UCMA: variants seen among roughly 807,000 people sequenced by gnomAD.
UCMA encodes the protein upper zone of growth plate and cartilage matrix-associated protein.
Under a neutral mutation model 21.8 loss-of-function variants are expected in UCMA, and 21 were observed. The observed-to-expected ratio is 0.97, with a 90% confidence interval of 0.68 to 1.39. The LOEUF is 1.39. UCMA is among the 40% of genes most tolerant of loss of function. The probability of loss-of-function intolerance (pLI) is 0.00; values close to 1 mark genes in which losing one functional copy is unlikely to be tolerated. For missense variants in UCMA, 193 were observed against 178.9 expected (o/e 1.08, Z -0.45); for synonymous variants, 76 against 67.9 (o/e 1.12, Z -0.58).
At chr10:13,233,046 C>G (rs549869816) in intron 3 of UCMA, among the ~76,000 whole-genome samples, 1 of 152,260 alleles carries the variant, frequency 6.6e-6, no homozygotes, top group East Asian at 1.9e-4. Context: ...CTTAGCAGCA[C>G]AGCTGTCCCC....
intron 2 of UCMA, 38 bp from the exon 3 acceptor site, chr10:13,233,671 G>C (rs752216739): frequency 1.9e-6 from 3 of 1,613,466 alleles, no homozygotes; most frequent in Non-Finnish European, 2.5e-6. Flanking sequence ...GCAGTGTGGG[G>C]GTGCTGGGGC....
At position 13,230,430 on chromosome 10, in the gene UCMA, G is replaced by A. The variant is rs180906654; in HGVS notation, c.221-721C>T. 2.6e-5 allele frequency among the ~76,000 whole-genome samples: 4 copies of A among 152,304 alleles called. No individual in the cohort carries two copies. The East Asian group carries it at 7.7e-4, about 29-fold the overall frequency. On this transcript the variant is annotated intron_variant, in intron 3 of 4. Coordinates refer to ENST00000378681, the MANE Select transcript of UCMA (RefSeq NM_145314.3). ...TTGGAATAAAAATTCCCGGTTGTCT[G>A]GAGGAAACGATGTAAAGCTCTCTAC...
rs1834762990 is a variant in UCMA, at chr10:13,221,994, C to T, written c.*109G>A. ...TCAAGAGCTGCTGGCCACTGCAGAC[C>T]CCAAGCTGAGACCCTCTGAAGGGCC... On this transcript the variant is annotated 3_prime_UTR_variant, in exon 5 of 5. Transcript: ENST00000378681. 8.7e-7 allele frequency: 1 copy of T among 1,153,166 alleles called. No individual in the cohort carries two copies. Among genetic ancestry groups the T allele is most frequent in the Non-Finnish European group, 1.3e-6 (1 of 784,130 alleles). The allele number at this position is 1,153,166 out of a possible 1,614,324, so 71.4% of individuals were successfully genotyped here. A position where few individuals can be genotyped will look rare whatever the true frequency, so the allele number is the denominator to read the frequency against.
At chr10:13,232,014 G>A (rs1834905083) in intron 3 of UCMA, among the ~76,000 whole-genome samples, 1 of 152,178 alleles carries the variant, frequency 6.6e-6, no homozygotes, top group Non-Finnish European at 1.5e-5. Flanking sequence ...TTGACACACT[G>A]AGCTTCTGTC....
chr10:13,228,517 G>A (rs1056380728), intron 4 of UCMA, among the ~76,000 whole-genome samples: 1 of 152,322 alleles, frequency 6.6e-6, no homozygotes, highest in South Asian at 2.1e-4. Context: ...GCTGCAGGTG[G>A]GGTGAGAGGG....
In UCMA at chr10:13,229,650, T is replaced by C; in HGVS notation, c.280A>G (p.Arg94Gly). The C allele has an allele frequency of 6.2e-7, 1 of 1,614,186 alleles. No individual in the cohort carries two copies. The highest frequency in any genetic ancestry group is 8.5e-7 in the Non-Finnish European group (1 of 1,180,038). ...ELRREYYEEQ[R>G]NEFENFVEEQ... The stretch of plus-strand genomic sequence containing the variant: ...TCCACGAAGTTCTCAAATTCATTCC[T>C]TTGTTCCTCGTAATATTCTCTCCGC... The change falls in exon 4 of 5, where the codon AGG (arginine) becomes GGG (glycine). Residue 94 changes from arginine (R) to glycine (G), a missense_variant. Transcript: ENST00000378681.
chr10:13,225,252 C>T (rs1834809483), intron 4 of UCMA, among the ~76,000 whole-genome samples: 1 of 152,036 alleles, frequency 6.6e-6, no homozygotes, highest in South Asian at 2.1e-4. Context: ...CGTTATGTTG[C>T]CAGGGCTAAA....
intron 3 of UCMA, among the ~76,000 whole-genome samples, chr10:13,233,327 C>T (rs545136342): frequency 6.6e-6 from 1 of 152,326 alleles, no homozygotes; most frequent in East Asian, 1.9e-4. Flanking sequence ...GGCCTCCTAA[C>T]CCTGACAAAG....
At chr10:13,233,509 G>A (rs369035716) in intron 3 of UCMA, 29 bp downstream of exon 3, 111 of 1,585,596 alleles carry the variant, frequency 7.0e-5, no homozygotes, top group Non-Finnish European at 8.7e-5. Context: ...GGTGATGGAC[G>A]CGGGATGGGG....
intron 3 of UCMA, 42 bp from the exon 4 acceptor site, chr10:13,229,751 G>A: frequency 6.5e-7 from 1 of 1,535,422 alleles, no homozygotes. Context: ...TCAAGAATGA[G>A]GACACTTAGG....
At chr10:13,222,638 GT>G (rs917353943) in intron 4 of UCMA, among the ~76,000 whole-genome samples, 4 of 151,772 alleles carry the variant, frequency 2.6e-5, no homozygotes, top group Admixed American at 6.6e-5. Context: ...TCGACTTGGA[GT>G]TTTTTTTCCT....
chr10:13,233,184 A>G (rs1834922098), intron 3 of UCMA, among the ~76,000 whole-genome samples: 1 of 152,114 alleles, frequency 6.6e-6, no homozygotes, highest in African/African-American at 2.4e-5. Flanking sequence ...CCTCCAGACC[A>G]GAATATAGAT....
intron 4 of UCMA, among the ~76,000 whole-genome samples, chr10:13,228,116 G>A (rs1370329601): frequency 6.6e-6 from 1 of 151,852 alleles, no homozygotes; most frequent in East Asian, 1.9e-4. Flanking sequence ...CTGGAGTGCG[G>A]TGGTGCAATC....
chr10:13,222,292 G>A (rs565915031), intron 4 of UCMA, 92 bp from the exon 5 acceptor site: 40 of 1,162,348 alleles, frequency 3.4e-5, no homozygotes, highest in African/African-American at 6.0e-5. Context: ...CTGCCCTGTG[G>A]TGACCTGCAC....
chr10:13,229,707 C>G lies in UCMA; in HGVS notation c.223G>C (p.Glu75Gln), dbSNP rs745773066. 6.2e-7 allele frequency: 1 copy of G among 1,613,886 alleles called. No homozygotes were observed. Among genetic ancestry groups the G allele is most frequent in the Non-Finnish European group, 8.5e-7 (1 of 1,179,964 alleles). ...SPKSRDEVNV[E>Q]NRQKLRVDEL... is the part of the protein sequence containing the mutation. ...TCAACCCGAAGCTTCTGCCTGTTTT[C>G]CACTGTGAAAGGAAAAGAAGCAAGA... is the stretch of plus-strand genomic sequence containing the variant. Residue 75 changes from glutamate (E) to glutamine (Q), a missense_variant and splice_region_variant, in exon 4 of 5, where the codon GAA becomes CAA. Transcript: ENST00000378681.
At chr10:13,234,148 A>T (rs1834938561) in intron 1 of UCMA, 53 bp downstream of exon 1, 2 of 1,545,874 alleles carry the variant, frequency 1.3e-6, no homozygotes, top group African/African-American at 2.7e-5. Context: ...GTGCATGGTA[A>T]GTCTCCCTTA....
chr10:13,226,521 C>G (rs1237810179), intron 4 of UCMA, among the ~76,000 whole-genome samples: 1 of 152,250 alleles, frequency 6.6e-6, no homozygotes, highest in Non-Finnish European at 1.5e-5. Flanking sequence ...GACAGGGCCT[C>G]GCTTAGTTGC....
chr10:13,224,950 T>C (rs992962767), intron 4 of UCMA, among the ~76,000 whole-genome samples: 22 of 152,324 alleles, frequency 1.4e-4, no homozygotes, highest in African/African-American at 5.3e-4. Context: ...CGGAGCTTTG[T>C]GTGTTCATCT....
Position 13,234,353 on chromosome 10 carries a change from G to A in UCMA, c.-95C>T, listed in dbSNP as rs912906519. The A allele has an allele frequency of 1.4e-5, 19 of 1,326,664 alleles. No individual in the cohort carries two copies. Among genetic ancestry groups the A allele is most frequent in the Non-Finnish European group, 1.7e-5 (16 of 962,940 alleles). 82.2% of individuals were successfully genotyped at this position (1,326,664 alleles called of 1,614,324 possible). ...CACTTCTGAGGCAGGCAGCCCAGGC[G>A]AGAGGAAGGAAGGCGGGGGAGGGAA... On this transcript the variant is annotated 5_prime_UTR_variant, in exon 1 of 5. Transcript: ENST00000378681.
Sources: allele counts gnomAD v4.1 joint callset (sites outside exome capture counted in the v4.1 genomes callset), GRCh38; gene constraint gnomAD v4.1.1; transcripts MANE v1.5; gene names NCBI Gene and HGNC (gene_info 2026-07-23, HGNC 2026-07-21).